Variants in ASAP2 observed in about 807,000 individuals in gnomAD.
ASAP2 encodes arf-GAP with SH3 domain, ANK repeat and PH domain-containing protein 2.
Under a neutral mutation model 131.4 loss-of-function variants are expected in ASAP2, and 45 were observed. That is an observed-to-expected ratio of 0.34 (90% confidence interval 0.27 to 0.44). ASAP2 has a LOEUF of 0.44. Among genes scored for constraint, ASAP2 ranks in the 20% least tolerant of loss-of-function variants. The probability of loss-of-function intolerance (pLI) is 1.00; values close to 1 mark genes in which losing one functional copy is unlikely to be tolerated. For missense variants in ASAP2, 1,011 were observed against 1,297.0 expected, an observed-to-expected ratio of 0.78 and a Z score of 3.39; for synonymous variants, 510 against 503.0, an observed-to-expected ratio of 1.01 and a Z score of -0.19.
At chr2:9,289,436 A>G (rs1402271326) in intron 2 of ASAP2, among the ~76,000 whole-genome samples, 2 of 152,224 alleles carry the variant, frequency 1.3e-5, no homozygotes, top group African/African-American at 2.4e-5. Context: ...TTTATTCTTT[A>G]GTAACCAGAA....
At chr2:9,290,405 T>C (rs528077723) in intron 2 of ASAP2, among the ~76,000 whole-genome samples, 1 of 152,204 alleles carries the variant, frequency 6.6e-6, no homozygotes, top group South Asian at 2.1e-4. Flanking sequence ...AGATTGGGTT[T>C]CGCCCTGTTG....
chr2:9,227,661 A>G (rs58023406), intron 1 of ASAP2, among the ~76,000 whole-genome samples: 7,467 of 152,276 alleles, frequency 0.049, 482 homozygotes, highest in African/African-American at 0.14. Flanking sequence ...CTCTTGTTCA[A>G]TGAATGATCT....
intron 17 of ASAP2, among the ~76,000 whole-genome samples, chr2:9,375,367 C>T (rs1228282996): frequency 4.6e-5 from 7 of 152,044 alleles, no homozygotes; most frequent in Non-Finnish European, 7.4e-5. Context: ...CAGAGGAAGA[C>T]GGCACGGAGA....
intron 1 of ASAP2, among the ~76,000 whole-genome samples, chr2:9,244,522 GCA>G (rs976967799): frequency 6.6e-6 from 1 of 152,226 alleles, no homozygotes; most frequent in African/African-American, 2.4e-5. Context: ...GTAGCTCCTA[GCA>G]CAGAGTGTGC....
chr2:9,351,005 A>T, intron 12 of ASAP2, 110 bp downstream of exon 12: 1 of 811,346 alleles, frequency 1.2e-6, no homozygotes, highest in Non-Finnish European at 1.9e-6. Flanking sequence ...TTTTGAAGAG[A>T]CATACCCTTT....
intron 15 of ASAP2, among the ~76,000 whole-genome samples, chr2:9,360,447 G>C (rs1673004284): frequency 6.6e-6 from 1 of 152,048 alleles, no homozygotes; most frequent in East Asian, 1.9e-4. Context: ...GACGAGCCTG[G>C]GACACAAATT....
chr2:9,388,584 G>T, intron 22 of ASAP2, 38 bp downstream of exon 22: 1 of 1,581,818 alleles, frequency 6.3e-7, no homozygotes, highest in Admixed American at 2.0e-5. Context: ...ATATATAGAG[G>T]GTCTTGTTTT....
chr2:9,375,012 A>T, intron 17 of ASAP2, 68 bp downstream of exon 17: 1 of 1,428,274 alleles, frequency 7.0e-7, no homozygotes, highest in Non-Finnish European at 9.3e-7. Flanking sequence ...CATGCCTGGG[A>T]TCCAGTACTT....
At chr2:9,233,121 G>A (rs2271333) in intron 1 of ASAP2, among the ~76,000 whole-genome samples, 81,039 of 152,036 alleles carry the variant, frequency 0.53, 22,758 homozygotes, top group African/African-American at 0.73. Context: ...ACGGCTTTGA[G>A]ACAGTTTGAG....
chr2:9,355,901 T>C, intron 12 of ASAP2, 146 bp from the exon 13 acceptor site: 1 of 935,698 alleles, frequency 1.1e-6, no homozygotes, highest in Admixed American at 2.2e-5. Flanking sequence ...TTGGAGGATA[T>C]GAGGGAGTGC....
Position 9,344,573 on chromosome 2 carries a change from G to C in ASAP2, c.891G>C (p.Gln297His). 2 of 1,614,162 alleles carry C rather than the reference G, an allele frequency of 1.2e-6. No homozygotes were observed. Among genetic ancestry groups the C allele is most frequent in the South Asian group, 2.2e-5 (2 of 91,080 alleles). The change falls in exon 10 of 28, where the codon CAG becomes CAC. Residue 297 changes from glutamine to histidine, a missense_variant. By Grantham distance (24) the Gln-to-His change is conservative (BLOSUM62 0). Around this residue, in one of 2 missense-constraint regions of ASAP2, gnomAD observed 359 missense variants for 598.1 expected, o/e 0.60. Coordinates refer to ENST00000281419, the MANE Select transcript of ASAP2 (RefSeq NM_003887.3). ...IRQSTAYSLH[Q>H]PQGNKEHGTE... ...AGAGCACAGCTTATAGCTTACATCAGCCTCAGGGAAACAAGGAACATGGGA... is the reference window on the plus strand; with the variant it reads ...AGAGCACAGCTTATAGCTTACATCACCCTCAGGGAAACAAGGAACATGGGA...
intron 1 of ASAP2, among the ~76,000 whole-genome samples, chr2:9,251,893 G>A (rs962657274): frequency 4.6e-5 from 7 of 152,098 alleles, no homozygotes; most frequent in Admixed American, 1.3e-4. Flanking sequence ...GGAGCTTTAG[G>A]AATGAGAAGC....
intron 22 of ASAP2, among the ~76,000 whole-genome samples, chr2:9,388,789 C>T (rs1246830823): frequency 6.6e-6 from 1 of 152,218 alleles, no homozygotes; most frequent in Non-Finnish European, 1.5e-5. Context: ...AACATGGGAA[C>T]TCCCCCAGGG....
chr2:9,244,447 C>G (rs1664195114), intron 1 of ASAP2, among the ~76,000 whole-genome samples: 2 of 152,082 alleles, frequency 1.3e-5, no homozygotes, highest in South Asian at 2.1e-4. Context: ...TCTGTAAAAC[C>G]CTGAAAGAAG....
intron 1 of ASAP2, among the ~76,000 whole-genome samples, chr2:9,246,173 T>G (rs902995508): frequency 1.3e-5 from 2 of 152,224 alleles, no homozygotes; most frequent in African/African-American, 2.4e-5. Context: ...ATTCTCTGTA[T>G]GGTTTCTCCA....
At chr2:9,373,890 C>T (rs186317175) in intron 16 of ASAP2, among the ~76,000 whole-genome samples, 8 of 152,190 alleles carry the variant, frequency 5.3e-5, no homozygotes, top group African/African-American at 1.9e-4. Flanking sequence ...GCTGCTGTTT[C>T]GCTCTCCCTC....
chr2:9,395,594 C>CTTTTTTTTTTTTTT lies in ASAP2; in HGVS notation c.2684+1965_2684+1978dup. Among the ~76,000 whole-genome samples, 463 of 59,028 alleles carry CTTTTTTTTTTTTTT rather than the reference C, an allele frequency of 7.8e-3. 63 individuals carry two copies. The highest frequency in any genetic ancestry group is 0.013 in the Non-Finnish European group (346 of 27,420). 38.7% of individuals were successfully genotyped at this position (59,028 alleles called of 152,430 possible). On this transcript the variant is annotated intron_variant, in intron 24 of 27. Coordinates refer to ENST00000281419, the MANE Select transcript of ASAP2 (RefSeq NM_003887.3). ...GTTTTGTTTTTCTTGTGTTTTTTTT[C>CTTTTTTTTTTTTTT]TTTTTTTTTTTTTTTTTTTTTTTTT...
At chr2:9,334,668 T>C in intron 7 of ASAP2, 70 bp from the exon 8 acceptor site, 2 of 1,464,044 alleles carry the variant, frequency 1.4e-6, no homozygotes, top group Non-Finnish European at 1.9e-6. Context: ...TAAAGAAGTT[T>C]TTAATCTGTC....
At chr2:9,247,479 T>TA (rs1664417837) in intron 1 of ASAP2, among the ~76,000 whole-genome samples, 1 of 152,236 alleles carries the variant, frequency 6.6e-6, no homozygotes, top group Non-Finnish European at 1.5e-5. Context: ...GTCCATCGTC[T>TA]AGCTTTTTGA....
Sources: gnomAD v4.1 joint callset for allele counts (sites outside exome capture counted in the v4.1 genomes callset) on GRCh38, gnomAD v4.1.1 for gene constraint, gnomAD v4.1.1 regional missense constraint, MANE v1.5 for transcripts, NCBI Gene and HGNC (gene_info 2026-07-23, HGNC 2026-07-21) for gene names.